SNX25: variants seen among roughly 807,000 people sequenced by gnomAD.
SNX25 encodes the protein sorting nexin-25.
Under a neutral mutation model 113.7 loss-of-function variants are expected in SNX25, and 62 were observed. The ratio of observed to expected loss-of-function variants is 0.55; its 90% CI spans 0.44 to 0.67. The LOEUF is 0.67. Ranked by LOEUF, SNX25 falls within the 30% of genes least tolerant of loss-of-function variation. The probability of loss-of-function intolerance (pLI) is 0.00; values close to 1 mark genes in which losing one functional copy is unlikely to be tolerated. For synonymous variants in SNX25, 421 were observed against 436.2 expected (o/e 0.97, Z 0.43); for missense variants, 1,014 against 1,161.0 (o/e 0.87, Z 1.84).
chr4:185,282,811 G>T (rs533071683), intron 5 of SNX25, among the ~76,000 whole-genome samples: 1 of 152,132 alleles, frequency 6.6e-6, no homozygotes, highest in Non-Finnish European at 1.5e-5. Context: ...AAGGGAAAGC[G>T]TACAAACATC....
chr4:185,345,236 T>C (rs767846258), intron 12 of SNX25, among the ~76,000 whole-genome samples: 2 of 152,140 alleles, frequency 1.3e-5, no homozygotes, highest in Non-Finnish European at 2.9e-5. Flanking sequence ...GGTGTGAGTT[T>C]TCCTGTTGTG....
intron 5 of SNX25, among the ~76,000 whole-genome samples, chr4:185,285,944 T>TA (rs1170800630): frequency 1.3e-5 from 2 of 151,400 alleles, no homozygotes; most frequent in Non-Finnish European, 2.9e-5. Flanking sequence ...AGCTAATTTT[T>TA]TTTTTTTATT....
chr4:185,300,014 T>C (rs958885932), intron 6 of SNX25, among the ~76,000 whole-genome samples: 29 of 152,148 alleles, frequency 1.9e-4, no homozygotes, highest in African/African-American at 6.8e-4. Context: ...CTTACCCAAG[T>C]GTAATTAGAG....
At chr4:185,323,129 T>C (rs1190376981) in intron 8 of SNX25, among the ~76,000 whole-genome samples, 1 of 152,204 alleles carries the variant, frequency 6.6e-6, no homozygotes, top group East Asian at 1.9e-4. Flanking sequence ...AATTATTATA[T>C]TGACTTCTTT....
chr4:185,364,678 C>T (rs984040023), downstream of SNX25: 1 of 151,624 alleles, frequency 6.6e-6, no homozygotes, highest in South Asian at 2.1e-4. Flanking sequence ...ATCCTTTTTT[C>T]AAACCATGAT....
At chr4:185,253,952 G>GAGAACAGAACTTTTATGT (rs1382058974) in intron 2 of SNX25, among the ~76,000 whole-genome samples, 31 of 152,326 alleles carry the variant, frequency 2.0e-4, no homozygotes, top group Non-Finnish European at 5.9e-5. Flanking sequence ...AAATTTTATG[G>GAGAACAGAACTTTTATGT]AGAACAGAAC....
chr4:185,283,018 A>AT (rs915660383), intron 5 of SNX25, among the ~76,000 whole-genome samples: 7 of 152,336 alleles, frequency 4.6e-5, no homozygotes, highest in African/African-American at 1.7e-4. Context: ...AAAGTCAATC[A>AT]TTTCCTCTCG....
downstream of SNX25, among the ~76,000 whole-genome samples, chr4:185,368,653 C>T (rs1363393651): frequency 2.0e-5 from 3 of 152,168 alleles, no homozygotes; most frequent in Admixed American, 6.5e-5. Flanking sequence ...ATCAGTATCC[C>T]CATAATGTAC....
At chr4:185,245,382 G>T (rs889732658) in intron 1 of SNX25, among the ~76,000 whole-genome samples, 6 of 151,570 alleles carry the variant, frequency 4.0e-5, no homozygotes, top group African/African-American at 1.5e-4. Context: ...TGCTCTCTCA[G>T]GCTGGAGTGC....
At position 185,234,406 on chromosome 4, in the gene SNX25, G is replaced by A. The variant is rs548563162; in HGVS notation, c.430-12888G>A. On this transcript the variant is annotated intron_variant, in intron 1 of 18. Transcript: ENST00000652585. ...GTTGTTAAAAAGTTTAGGCTGGCCG[G>A]GCGCGGTGGCTCACGCCTGTAATCC... Among the ~76,000 whole-genome samples the A allele has an allele frequency of 7.6e-3, 147 of 19,218 alleles. 59 individuals are homozygous for A. The highest frequency in any genetic ancestry group is 0.019 in the African/African-American group (143 of 7,360). 12.6% of individuals were successfully genotyped at this position (19,218 alleles called of 152,430 possible).
At chr4:185,219,582 GAA>G (rs1266797906) in intron 1 of SNX25, among the ~76,000 whole-genome samples, 2 of 151,958 alleles carry the variant, frequency 1.3e-5, no homozygotes, top group Non-Finnish European at 2.9e-5. Context: ...AAAGAAAAAA[GAA>G]AAAATGTTTT....
chr4:185,351,911 T>TGGGGGGG (rs568440408), intron 14 of SNX25, among the ~76,000 whole-genome samples: 9 of 127,802 alleles, frequency 7.0e-5, no homozygotes, highest in African/African-American at 2.6e-4. Context: ...CATTGCGGGG[T>TGGGGGGG]GGGGGGGTTC....
At chr4:185,221,911 A>G (rs1739926895) in intron 1 of SNX25, among the ~76,000 whole-genome samples, 1 of 152,016 alleles carries the variant, frequency 6.6e-6, no homozygotes, top group Non-Finnish European at 1.5e-5. Flanking sequence ...TTCTTATAGC[A>G]CCATATACTT....
In SNX25 at chr4:185,346,654, A is replaced by G; in HGVS notation, c.2301+4A>G. The G allele has an allele frequency of 6.5e-7, 1 of 1,538,522 alleles. No homozygotes were observed. Among genetic ancestry groups the G allele is most frequent in the Non-Finnish European group, 8.8e-7 (1 of 1,138,590 alleles). Reference sequence around the variant, plus strand: ...TCAATTAAATAAGTTTTTACAGGTAAGCAAGTGAAAAATGTGGGATATGAG... The same window carrying G: ...TCAATTAAATAAGTTTTTACAGGTAGGCAAGTGAAAAATGTGGGATATGAG... On this transcript the variant is annotated splice_donor_region_variant and intron_variant, in intron 13 of 18. Coordinates refer to ENST00000652585, the MANE Select transcript of SNX25 (RefSeq NM_001378034.2).
At chr4:185,222,545 C>G (rs1364541682) in intron 1 of SNX25, among the ~76,000 whole-genome samples, 26 of 152,198 alleles carry the variant, frequency 1.7e-4, no homozygotes, top group Non-Finnish European at 7.4e-5. Context: ...CCCTATATCC[C>G]CTTCGTGGTA....
intron 5 of SNX25, among the ~76,000 whole-genome samples, chr4:185,274,121 C>T (rs531076676): frequency 2.0e-5 from 3 of 149,638 alleles, no homozygotes; most frequent in Admixed American, 6.7e-5. Flanking sequence ...GATGCAGTGG[C>T]GCAATCTCAG....
intron 6 of SNX25, among the ~76,000 whole-genome samples, chr4:185,306,591 A>G (rs1199633590): frequency 6.6e-6 from 1 of 152,194 alleles, no homozygotes; most frequent in Non-Finnish European, 1.5e-5. Flanking sequence ...GTTTTCTCCT[A>G]TATTTCTCTC....
chr4:185,261,496 T>C (rs1021999586), intron 3 of SNX25, among the ~76,000 whole-genome samples: 1 of 152,166 alleles, frequency 6.6e-6, no homozygotes, highest in East Asian at 1.9e-4. Flanking sequence ...TTTAAATCAA[T>C]GTTTATTCCA....
the SNX25 span, chr4:185,377,900 C>T: frequency 8.9e-6 from 5 of 561,592 alleles, no homozygotes; most frequent in East Asian, 3.0e-5. Context: ...ACCTCACTGA[C>T]GATTTGCTAC....
Sources: gnomAD v4.1 joint callset for allele counts (sites outside exome capture counted in the v4.1 genomes callset) on GRCh38, gnomAD v4.1.1 for gene constraint, MANE v1.5 for transcripts, NCBI Gene and HGNC (gene_info 2026-07-23, HGNC 2026-07-21) for gene names.